The following GNA14 variants were observed in gnomAD, a reference collection of about 807,000 sequenced individuals.
GNA14 encodes G protein subunit alpha 14, also known as guanine nucleotide-binding protein subunit alpha-14.
GNA14 carries 50 observed loss-of-function variants against 42.0 expected under a neutral mutation model. That is an observed-to-expected ratio of 1.19 (90% CI 0.95 to 1.51). GNA14 has a LOEUF of 1.51. GNA14 is among the 40% of genes most tolerant of loss of function. The pLI is 0.00. For missense variants in GNA14, 473 were observed against 446.2 expected (o/e 1.06, Z -0.54); for synonymous variants, 173 against 163.1 (o/e 1.06, Z -0.46).
At chr9:77,613,887 T>G (rs1362238070) in intron 1 of GNA14, among the ~76,000 whole-genome samples, 1 of 152,098 alleles carries the variant, frequency 6.6e-6, no homozygotes, top group East Asian at 1.9e-4. Context: ...GAGAGGAACA[T>G]GTTCATTAAG....
intron 1 of GNA14, among the ~76,000 whole-genome samples, chr9:77,540,618 A>G (rs917247664): frequency 6.6e-6 from 1 of 152,092 alleles, no homozygotes; most frequent in African/African-American, 2.4e-5. Context: ...CTCTCTTTAG[A>G]TACAGTAATA....
intron 1 of GNA14, among the ~76,000 whole-genome samples, chr9:77,607,846 A>G (rs931101115): frequency 4.6e-5 from 7 of 152,158 alleles, no homozygotes; most frequent in African/African-American, 1.4e-4. Context: ...GTCTTTTCTC[A>G]TAAGGGTGCT....
intron 1 of GNA14, among the ~76,000 whole-genome samples, chr9:77,617,149 C>T (rs575363421): frequency 4.6e-5 from 7 of 152,060 alleles, no homozygotes; most frequent in South Asian, 2.1e-4. Flanking sequence ...GGATTACAGG[C>T]GTGAGCCACT....
At chr9:77,561,869 A>G (rs1822888736) in intron 1 of GNA14, among the ~76,000 whole-genome samples, 2 of 152,188 alleles carry the variant, frequency 1.3e-5, no homozygotes, top group Admixed American at 1.3e-4. Context: ...CAAAATCTCC[A>G]TTTCCTCTTT....
At chr9:77,497,531 A>T (rs529946755) in intron 2 of GNA14, among the ~76,000 whole-genome samples, 1 of 152,218 alleles carries the variant, frequency 6.6e-6, no homozygotes, top group African/African-American at 2.4e-5. Context: ...CCTCCTTGGC[A>T]CCTTGAGCTG....
At chr9:77,480,735 G>A (rs1836534846) in intron 2 of GNA14, among the ~76,000 whole-genome samples, 1 of 152,058 alleles carries the variant, frequency 6.6e-6, no homozygotes. Flanking sequence ...GTCTGTTATT[G>A]GTCTATTCAG....
chr9:77,493,189 G>C (rs535104077), intron 2 of GNA14, among the ~76,000 whole-genome samples: 2 of 151,392 alleles, frequency 1.3e-5, no homozygotes, highest in Non-Finnish European at 2.9e-5. Context: ...GTGAAGGACT[G>C]TAAGCCCACA....
intron 1 of GNA14, among the ~76,000 whole-genome samples, chr9:77,531,116 A>G (rs1837522095): frequency 6.6e-6 from 1 of 152,322 alleles, no homozygotes; most frequent in East Asian, 1.9e-4. Context: ...TTGCAAATAT[A>G]TCTCTCACCA....
intron 1 of GNA14, among the ~76,000 whole-genome samples, chr9:77,534,960 C>G (rs540453397): frequency 3.3e-5 from 5 of 152,200 alleles, no homozygotes; most frequent in Non-Finnish European, 7.3e-5. Flanking sequence ...AGTGAGCAGG[C>G]GCTCTGATGA....
chr9:77,443,389 G>T (rs759586053), intron 2 of GNA14, among the ~76,000 whole-genome samples: 3 of 151,924 alleles, frequency 2.0e-5, no homozygotes, highest in Non-Finnish European at 4.4e-5. Flanking sequence ...AGCTCAGCAG[G>T]GACTCACTTC....
chr9:77,469,685 G>A (rs1015626754), intron 2 of GNA14, among the ~76,000 whole-genome samples: 1 of 152,190 alleles, frequency 6.6e-6, no homozygotes, highest in Admixed American at 6.5e-5. Flanking sequence ...GAAAGAGACT[G>A]TGCATTACAT....
chr9:77,456,395 T>A (rs1309849848), intron 2 of GNA14: 1 of 152,366 alleles, frequency 6.6e-6, no homozygotes, highest in South Asian at 2.1e-4. Flanking sequence ...TTTCTGCACA[T>A]CTTGCCTGGC....
At chr9:77,492,879 T>C (rs889437132) in intron 2 of GNA14, among the ~76,000 whole-genome samples, 1 of 151,028 alleles carries the variant, frequency 6.6e-6, no homozygotes, top group Non-Finnish European at 1.5e-5. Context: ...CAGACACCTG[T>C]AATCCCAGCT....
intron 2 of GNA14, among the ~76,000 whole-genome samples, chr9:77,494,919 C>T (rs1836847289): frequency 6.6e-6 from 1 of 152,130 alleles, no homozygotes; most frequent in Non-Finnish European, 1.5e-5. Context: ...CCTGCCTCAG[C>T]CTCCCGAGTA....
chr9:77,427,943 T>C (rs1490990219), intron 5 of GNA14, among the ~76,000 whole-genome samples: 2 of 152,128 alleles, frequency 1.3e-5, no homozygotes, highest in African/African-American at 4.8e-5. Context: ...CCAGGTAAAG[T>C]GTTTTAGAGA....
chr9:77,604,623 C>T (rs1306704116), intron 1 of GNA14, among the ~76,000 whole-genome samples: 1 of 152,176 alleles, frequency 6.6e-6, no homozygotes, highest in Non-Finnish European at 1.5e-5. Flanking sequence ...CCTTTCAGTC[C>T]TTACCAAAGA....
chr9:77,553,664 A>G (rs539504762), intron 1 of GNA14, among the ~76,000 whole-genome samples: 19 of 152,204 alleles, frequency 1.2e-4, no homozygotes, highest in Non-Finnish European at 2.2e-4. Flanking sequence ...GGCATATGAG[A>G]AAACAGACAC....
At chr9:77,509,870 AAC>A (rs1450388260) in intron 2 of GNA14, among the ~76,000 whole-genome samples, 1 of 152,210 alleles carries the variant, frequency 6.6e-6, no homozygotes, top group Admixed American at 6.5e-5. Context: ...TAGCGTCAAC[AAC>A]AGTGGGGCAA....
intron 1 of GNA14, among the ~76,000 whole-genome samples, chr9:77,606,981 G>C (rs1390986951): frequency 6.6e-6 from 1 of 152,190 alleles, no homozygotes. Context: ...GCAAGCCAGG[G>C]AGAGGGCCCT....
Sources: allele counts gnomAD v4.1 joint callset (sites outside exome capture counted in the v4.1 genomes callset), GRCh38; gene constraint gnomAD v4.1.1; transcripts MANE v1.5; gene names NCBI Gene and HGNC (gene_info 2026-07-23, HGNC 2026-07-21).